KANK1: variants seen among roughly 807,000 people sequenced by gnomAD.
The protein encoded by KANK1 is KN motif and ankyrin repeat domains 1, also known as KN motif and ankyrin repeat domain-containing protein 1.
Under a neutral mutation model 106.2 loss-of-function variants are expected in KANK1, and 109 were observed. The ratio of observed to expected loss-of-function variants is 1.03; its 90% confidence interval spans 0.88 to 1.20. KANK1 has a LOEUF of 1.20. KANK1 is among the 50% of genes most tolerant of loss of function. KANK1 has a pLI of 0.00. For missense variants in KANK1, 2,399 were observed against 1,710.7 expected, an observed-to-expected ratio of 1.40 and a Z score of -7.10; for synonymous variants, 873 against 652.2, an observed-to-expected ratio of 1.34 and a Z score of -5.16.
intron 1 of KANK1, among the ~76,000 whole-genome samples, chr9:633,768 T>G (rs186866795): frequency 1.3e-5 from 2 of 152,320 alleles, no homozygotes; most frequent in East Asian, 3.9e-4. Flanking sequence ...TGTTCCTGCC[T>G]TAGCCTCCCA....
chr9:685,886 C>T (rs548779519), intron 2 of KANK1, among the ~76,000 whole-genome samples: 4 of 152,158 alleles, frequency 2.6e-5, no homozygotes, highest in African/African-American at 9.7e-5. Context: ...AACATTGATT[C>T]AGCTTGTCCT....
upstream of KANK1, among the ~76,000 whole-genome samples, chr9:502,091 C>G (rs998989038): frequency 2.6e-5 from 4 of 152,254 alleles, no homozygotes; most frequent in East Asian, 5.8e-4. Context: ...GTGAAAGAAG[C>G]TAGTAGCATG....
At chr9:499,574 T>C (rs1364184735) in intron 3 of KANK1, among the ~76,000 whole-genome samples, 1 of 152,146 alleles carries the variant, frequency 6.6e-6, no homozygotes, top group Non-Finnish European at 1.5e-5. Flanking sequence ...AGGGGGCTCC[T>C]GCAAATCTTT....
chr9:601,183 A>G (rs1213875346), intron 1 of KANK1, among the ~76,000 whole-genome samples: 2 of 151,788 alleles, frequency 1.3e-5, no homozygotes, highest in Non-Finnish European at 2.9e-5. Flanking sequence ...CATACCCTTC[A>G]CTCAGTTTCT....
At chr9:568,104 A>G (rs540839672) in intron 1 of KANK1, among the ~76,000 whole-genome samples, 3 of 152,330 alleles carry the variant, frequency 2.0e-5, no homozygotes, top group African/African-American at 4.8e-5. Flanking sequence ...TGAGTGAAGT[A>G]TGAGGTAGAG....
intron 1 of KANK1, among the ~76,000 whole-genome samples, chr9:593,642 A>G (rs1825536741): frequency 6.6e-6 from 1 of 151,820 alleles, no homozygotes; most frequent in African/African-American, 2.4e-5. Context: ...TTGTTTGTGT[A>G]AATCGTTGGA....
chr9:736,363 A>G (rs74796145), intron 7 of KANK1, among the ~76,000 whole-genome samples: 3,403 of 152,230 alleles, frequency 0.022, 52 homozygotes, highest in Middle Eastern at 0.037. Context: ...GGTTGAATCT[A>G]TGGAAATGGA....
At chr9:709,681 C>A (rs1825386560) in intron 2 of KANK1, among the ~76,000 whole-genome samples, 1 of 150,574 alleles carries the variant, frequency 6.6e-6, no homozygotes, top group African/African-American at 2.5e-5. Context: ...AATGGTGTGA[C>A]CTCGCCTCAC....
chr9:711,039 C>G lies in KANK1; in HGVS notation c.273C>G (p.Ser91=). The change falls in exon 3 of 12, where the codon TCC becomes TCG. Residue 91 remains serine, a synonymous_variant. Transcript: ENST00000382297. ...GQQGIWTSTE[S]LSSSNSDDNK... ...AAGGTATATGGACTTCCACTGAATC[C>G]CTCTCATCCTCCAACAGTGATGACA... 1 of 1,614,162 alleles carries G rather than the reference C, an allele frequency of 6.2e-7. No individual in the cohort carries two copies. Among genetic ancestry groups the G allele is most frequent in the Non-Finnish European group, 8.5e-7 (1 of 1,180,028 alleles).
At chr9:473,137 A>C (rs966046354) in intron 2 of KANK1, 7 of 152,238 alleles carry the variant, frequency 4.6e-5, no homozygotes, top group Admixed American at 2.0e-4. Flanking sequence ...GTGTTGGTGC[A>C]TTGCATGTGC....
intron 10 of KANK1, among the ~76,000 whole-genome samples, chr9:744,111 G>C (rs1219212522): frequency 6.6e-6 from 1 of 152,166 alleles, no homozygotes; most frequent in Non-Finnish European, 1.5e-5. Flanking sequence ...CCCTCTCTAA[G>C]AGGAAAGGTA....
chr9:649,189 C>T (rs1840352473), intron 1 of KANK1, among the ~76,000 whole-genome samples: 1 of 152,078 alleles, frequency 6.6e-6, no homozygotes, highest in South Asian at 2.1e-4. Flanking sequence ...TCATAGCAGT[C>T]TTCCAGTATT....
At chr9:552,032 GGTAA>G (rs2061315958) in intron 1 of KANK1, among the ~76,000 whole-genome samples, 1 of 152,060 alleles carries the variant, frequency 6.6e-6, no homozygotes, top group Non-Finnish European at 1.5e-5. Flanking sequence ...TTCCAGCCTG[GGTAA>G]GTGAGACCCT....
intron 1 of KANK1, among the ~76,000 whole-genome samples, chr9:583,827 A>G (rs563517645): frequency 7.9e-5 from 12 of 152,208 alleles, no homozygotes; most frequent in African/African-American, 2.4e-4. Flanking sequence ...AGAAAAATAG[A>G]GAACATGAAC....
chr9:538,335 T>G (rs1259818774), intron 1 of KANK1, among the ~76,000 whole-genome samples: 2 of 152,206 alleles, frequency 1.3e-5, no homozygotes, highest in Non-Finnish European at 1.5e-5. Context: ...AGGGCCCTGT[T>G]TTTTTGTAAA....
At chr9:703,012 G>A (rs1268696059) in intron 2 of KANK1, among the ~76,000 whole-genome samples, 3 of 152,140 alleles carry the variant, frequency 2.0e-5, no homozygotes, top group Non-Finnish European at 2.9e-5. Context: ...GGTTTTTTCA[G>A]ACGGAGTCTC....
intron 1 of KANK1, among the ~76,000 whole-genome samples, chr9:656,617 C>T (rs962527038): frequency 2.6e-5 from 4 of 151,946 alleles, no homozygotes; most frequent in African/African-American, 9.7e-5. Flanking sequence ...GGCAGATGCC[C>T]CTACTCCCTC....
intron 1 of KANK1, among the ~76,000 whole-genome samples, chr9:622,964 C>T (rs576658236): frequency 1.3e-5 from 2 of 152,048 alleles, no homozygotes; most frequent in South Asian, 4.2e-4. Context: ...TAGAAGAAAA[C>T]ACAGGGGAAA....
At chr9:581,775 T>C (rs1017432744) in intron 1 of KANK1, among the ~76,000 whole-genome samples, 1 of 152,146 alleles carries the variant, frequency 6.6e-6, no homozygotes, top group Non-Finnish European at 1.5e-5. Context: ...TGAGAAGTTA[T>C]CCGTTTACAC....
Sources: allele counts gnomAD v4.1 joint callset (sites outside exome capture counted in the v4.1 genomes callset), GRCh38; gene constraint gnomAD v4.1.1; transcripts MANE v1.5; gene names NCBI Gene and HGNC (gene_info 2026-07-23, HGNC 2026-07-21).